Variants in EIF1AX observed in about 807,000 individuals in gnomAD.
EIF1AX encodes eukaryotic translation initiation factor 1A X-linked.
In EIF1AX, 1 loss-of-function variant was observed where a neutral mutation model predicts 16.1. The ratio of observed to expected loss-of-function variants is 0.06; its 90% CI spans 0.02 to 0.30. The LOEUF is 0.30. Ranked by LOEUF, EIF1AX falls within the 10% of genes least tolerant of loss-of-function variation. EIF1AX has a pLI of 1.00. For missense variants in EIF1AX, 11 were observed against 109.1 expected, an observed-to-expected ratio of 0.10 and a Z score of 4.00; for synonymous variants, 32 against 37.3, an observed-to-expected ratio of 0.86 and a Z score of 0.51.
chrX:20,130,506 A>C lies in EIF1AX; in HGVS notation c.429+10T>G, dbSNP rs938964309. 6.8e-6 allele frequency: 8 copies of C among 1,184,640 alleles called. No homozygotes were observed. The highest frequency in any genetic ancestry group is 9.1e-6 in the Non-Finnish European group (8 of 883,877). On this transcript the variant is annotated intron_variant, in intron 6 of 6. Coordinates refer to ENST00000379607, the MANE Select transcript of EIF1AX (RefSeq NM_001412.4). ...ACAAAAATTGGAAAACACAAGGTAC[A>C]TCTACTTACGTCATCAATATCTTCA...
chrX:20,130,104 C>T lies in EIF1AX; in HGVS notation c.429+412G>A, dbSNP rs1314928958. Among the ~76,000 whole-genome samples, 5 of 109,803 alleles carry T rather than the reference C, an allele frequency of 4.6e-5. No homozygotes were observed. The East Asian group carries it at 1.1e-3, about 25-fold the overall frequency. On this transcript the variant is annotated intron_variant, in intron 6 of 6. Transcript: ENST00000379607. ...ATCACCGGAGGTCAGGAGTTCGAGACCAGCCTGGCCAACGTGGTGAAACCT... is the reference window on the plus strand; with the variant it reads ...ATCACCGGAGGTCAGGAGTTCGAGATCAGCCTGGCCAACGTGGTGAAACCT...
rs749591328 is a variant in EIF1AX, at chrX:20,141,563, C to T, written c.16+62G>A. The T allele has an allele frequency of 1.4e-5, 16 of 1,120,142 alleles. No homozygotes were observed. The East Asian group carries it at 2.1e-4, about 15-fold the overall frequency. 92.3% of individuals were successfully genotyped at this position (1,120,142 alleles called of 1,213,427 possible). On this transcript the variant is annotated intron_variant, in intron 1 of 6. Coordinates refer to ENST00000379607, the MANE Select transcript of EIF1AX (RefSeq NM_001412.4). Reference sequence around the variant, plus strand: ...TGCGGCCTGGGTGACCTGCAATCTACGGGCAGGACCTGGGAGACCCGGCCG... The same window carrying T: ...TGCGGCCTGGGTGACCTGCAATCTATGGGCAGGACCTGGGAGACCCGGCCG...
intron 5 of EIF1AX, among the ~76,000 whole-genome samples, chrX:20,131,839 T>C (rs1185188640): frequency 9.3e-6 from 1 of 108,055 alleles, no homozygotes; most frequent in Non-Finnish European, 1.9e-5. Context: ...ACTACAGGCA[T>C]GTGCCACCAT....
chrX:20,129,373 T>A (rs1431188581), intron 6 of EIF1AX, among the ~76,000 whole-genome samples: 1 of 111,754 alleles, frequency 8.9e-6, no homozygotes, highest in Non-Finnish European at 1.9e-5. Context: ...ATCAGTCTCC[T>A]GAGTAGCTGG....
chrX:20,139,198 G>A (rs1356510396), intron 1 of EIF1AX, among the ~76,000 whole-genome samples: 1 of 111,585 alleles, frequency 9.0e-6, no homozygotes, highest in Non-Finnish European at 1.9e-5. Context: ...AGGCTAGCCT[G>A]GGCAACATAG....
At position 20,128,157 on chromosome X, in the gene EIF1AX, A is replaced by C. The variant is rs1160970092; in HGVS notation, c.*149T>G. ...ATAATTCAGCATTATTATCAGTTTT[A>C]AAAAAACCAAAAATATCTTAGAAAC... On this transcript the variant is annotated 3_prime_UTR_variant, in exon 7 of 7. Transcript: ENST00000379607. 22 of 510,512 alleles carry C rather than the reference A, an allele frequency of 4.3e-5. No individual in the cohort carries two copies. The East Asian group carries it at 7.4e-4, about 17-fold the overall frequency. 42.1% of individuals were successfully genotyped at this position (510,512 alleles called of 1,213,427 possible).
chrX:20,141,583 C>T, intron 1 of EIF1AX, 42 bp downstream of exon 1: 1 of 1,144,306 alleles, frequency 8.7e-7, no homozygotes, highest in Non-Finnish European at 1.2e-6. Context: ...CTGGGAGACC[C>T]GGCCGAGCAG....
At chrX:20,130,302 CAAAAAA>C (rs773734086) in intron 6 of EIF1AX, among the ~76,000 whole-genome samples, 13 of 28,480 alleles carry the variant, frequency 4.6e-4, no homozygotes, top group African/African-American at 1.4e-3. Context: ...AACTCCATCA[CAAAAAA>C]AAAAAAAAAA....
rs1363495157 is a variant in EIF1AX at position 20,138,523 on chromosome X, T to G, written c.100+16A>C. 9.5e-6 allele frequency: 11 copies of G among 1,155,540 alleles called. No individual in the cohort carries two copies. The Admixed American group carries it at 2.2e-4, about 23-fold the overall frequency. ...AGGATGTTATTTTAAAAAGCGTAATTTATGAAAACACTTACCCTGACCATC... is the reference window on the plus strand; with the variant it reads ...AGGATGTTATTTTAAAAAGCGTAATGTATGAAAACACTTACCCTGACCATC... On this transcript the variant is annotated intron_variant, in intron 2 of 6. Transcript: ENST00000379607.
In EIF1AX at chrX:20,138,434, A is replaced by C. The variant is rs1255074459; in HGVS notation, c.100+105T>G. 3.0e-5 allele frequency: 20 copies of C among 661,262 alleles called. No individual in the cohort carries two copies. In the East Asian group the frequency reaches 6.7e-4, roughly 22 times the overall value. The allele number at this position is 661,262 out of a possible 1,213,427, so 54.5% of individuals were successfully genotyped here. On this transcript the variant is annotated intron_variant, in intron 2 of 6. Transcript: ENST00000379607. Reference sequence around the variant, plus strand: ...CAGTGGGCTGTAATCGTGCCACCACACTTCACCCTGGGCGATGGGCAAGAC... The same window carrying C: ...CAGTGGGCTGTAATCGTGCCACCACCCTTCACCCTGGGCGATGGGCAAGAC...
At chrX:20,135,272 C>T (rs1349367722) in intron 3 of EIF1AX, among the ~76,000 whole-genome samples, 3 of 110,240 alleles carry the variant, frequency 2.7e-5, no homozygotes, top group Non-Finnish European at 5.7e-5. Context: ...ATGAAGAAAC[C>T]CCATCTCTAC....
In EIF1AX at chrX:20,133,950, A is replaced by G. The variant is rs1262080998; in HGVS notation, c.255+7T>C. 1 of 1,185,258 alleles carries G rather than the reference A, an allele frequency of 8.4e-7. No individual in the cohort carries two copies. The highest frequency in any genetic ancestry group is 1.8e-5 in the African/African-American group (1 of 56,418). On this transcript the variant is annotated splice_region_variant and intron_variant, in intron 4 of 6. Transcript: ENST00000379607. ...TAAAATAGGAAAAATTTACATGTAA[A>G]TTTTACCTGGTAGTCTCGGAGACCA...
chrX:20,137,237 G>T (rs761660270), intron 2 of EIF1AX, among the ~76,000 whole-genome samples: 4 of 111,079 alleles, frequency 3.6e-5, no homozygotes, highest in Non-Finnish European at 7.5e-5. Flanking sequence ...GAGGTTAGGA[G>T]ATCGAGACCC....
At position 20,126,607 on chromosome X, in the gene EIF1AX, T is replaced by C. The variant is rs1370978869; in HGVS notation, c.*1699A>G. 1 of 130,948 alleles carries C rather than the reference T, an allele frequency of 7.6e-6. No individual in the cohort carries two copies. Among genetic ancestry groups the C allele is most frequent in the Admixed American group, 9.5e-5 (1 of 10,536 alleles). The allele number at this position is 130,948 out of a possible 1,213,427, so 10.8% of individuals were successfully genotyped here. Reference sequence around the variant, plus strand: ...AAAGGATCTATATATACTGTAAATTTAGCAAAAACACTTTTATGTACAGAA... The same window carrying C: ...AAAGGATCTATATATACTGTAAATTCAGCAAAAACACTTTTATGTACAGAA... On this transcript the variant is annotated 3_prime_UTR_variant, in exon 7 of 7. Coordinates refer to ENST00000379607, the MANE Select transcript of EIF1AX (RefSeq NM_001412.4).
At position 20,128,322 on chromosome X, in the gene EIF1AX, A is replaced by G. The variant is rs747709607; in HGVS notation, c.430-11T>C. ...GAGTTCAATTTAGATCTGGAAGGGAAAAGAACATCAGATGAAAGGAAAAAG... is the reference window on the plus strand; with the variant it reads ...GAGTTCAATTTAGATCTGGAAGGGAGAAGAACATCAGATGAAAGGAAAAAG... On this transcript the variant is annotated splice_polypyrimidine_tract_variant and intron_variant, in intron 6 of 6. Coordinates refer to ENST00000379607, the MANE Select transcript of EIF1AX (RefSeq NM_001412.4). The G allele has an allele frequency of 8.4e-7, 1 of 1,193,254 alleles. No individual in the cohort carries two copies. Among genetic ancestry groups the G allele is most frequent in the South Asian group, 1.8e-5 (1 of 54,972 alleles).
chrX:20,130,302 CAAAAAAA>C (rs773734086), intron 6 of EIF1AX, among the ~76,000 whole-genome samples: 6 of 28,480 alleles, frequency 2.1e-4, no homozygotes, highest in East Asian at 1.3e-3. Context: ...AACTCCATCA[CAAAAAAA>C]AAAAAAAAAA....
In EIF1AX at chrX:20,126,650, G is replaced by A. The variant is rs2066986104; in HGVS notation, c.*1656C>T. The stretch of plus-strand genomic sequence containing the variant: ...GTACAGAAGCCTAAATATCTTAGGA[G>A]GTTTAGAATACCAATGAAGAGAATT... On this transcript the variant is annotated 3_prime_UTR_variant, in exon 7 of 7. Transcript: ENST00000379607. 1 of 130,385 alleles carries A rather than the reference G, an allele frequency of 7.7e-6. No homozygotes were observed. The highest frequency in any genetic ancestry group is 3.3e-5 in the African/African-American group (1 of 29,936). The allele number at this position is 130,385 out of a possible 1,213,427, so 10.7% of individuals were successfully genotyped here. A position where few individuals can be genotyped will look rare whatever the true frequency, so the allele number is the denominator to read the frequency against.
In EIF1AX at chrX:20,133,895, T is replaced by C. The variant is rs1802542255; in HGVS notation, c.255+62A>G. 31 of 947,000 alleles carry C rather than the reference T, an allele frequency of 3.3e-5. No homozygotes were observed. The South Asian group carries it at 6.5e-4, about 20-fold the overall frequency. The allele number at this position is 947,000 out of a possible 1,213,427, so 78.0% of individuals were successfully genotyped here. ...ACAATGCCTGAAACAAAACTGGCTC[T>C]TAAGAAATGGCTCATCAAATTCAAG... is the stretch of plus-strand genomic sequence containing the variant. On this transcript the variant is annotated intron_variant, in intron 4 of 6. Coordinates refer to ENST00000379607, the MANE Select transcript of EIF1AX (RefSeq NM_001412.4).
At chrX:20,140,129 T>C (rs1359516162) in intron 1 of EIF1AX, 2 of 112,410 alleles carry the variant, frequency 1.8e-5, no homozygotes, top group Non-Finnish European at 3.8e-5. Flanking sequence ...GAGAGGCTCT[T>C]TCTTAAGACA....
Sources: gnomAD v4.1 joint callset for allele counts (sites outside exome capture counted in the v4.1 genomes callset) on GRCh38, gnomAD v4.1.1 for gene constraint, MANE v1.5 for transcripts, NCBI Gene and HGNC (gene_info 2026-07-23, HGNC 2026-07-21) for gene names.